The following ODAD2 variants were observed in gnomAD, a reference collection of about 807,000 sequenced individuals.
ODAD2 encodes outer dynein arm-docking complex subunit 2.
A neutral mutation model predicts 106.8 loss-of-function variants in ODAD2; 89 were observed. The ratio of observed to expected loss-of-function variants is 0.83; its 90% CI spans 0.70 to 0.99. The LOEUF (loss-of-function observed/expected upper bound fraction) is 0.99, where lower values mean the gene tolerates loss of function less well. ODAD2 is among the 50% of genes least tolerant of loss of function. ODAD2 has a pLI of 0.00. For missense variants in ODAD2, 1,168 were observed against 1,238.5 expected (o/e 0.94, Z 0.85); for synonymous variants, 404 against 436.2 (o/e 0.93, Z 0.92).
intron 9 of ODAD2, among the ~76,000 whole-genome samples, chr10:27,965,053 T>C (rs1564556479): frequency 6.6e-6 from 1 of 151,750 alleles, no homozygotes; most frequent in African/African-American, 2.4e-5. Context: ...AACCAGGGAG[T>C]GTGTAGGCCA....
At chr10:27,941,148 T>C (rs571222736) in intron 12 of ODAD2, among the ~76,000 whole-genome samples, 14 of 152,108 alleles carry the variant, frequency 9.2e-5, no homozygotes, top group African/African-American at 3.1e-4. Flanking sequence ...CTAAAACCAT[T>C]AGCACTTTCT....
chr10:27,907,780 A>G lies in ODAD2; in HGVS notation c.2496-3T>C, dbSNP rs1843705235. On this transcript the variant is annotated splice_polypyrimidine_tract_variant and splice_region_variant and intron_variant, in intron 16 of 19. Coordinates refer to ENST00000305242, the MANE Select transcript of ODAD2 (RefSeq NM_018076.5). ...CTCCATCTAAGCGATCAATTATCCT[A>G]TCGTGGAACCCAAAATCATGATATA... The G allele has an allele frequency of 1.2e-6, 2 of 1,600,056 alleles. No individual in the cohort carries two copies. Among genetic ancestry groups the G allele is most frequent in the African/African-American group, 1.3e-5 (1 of 74,772 alleles).
chr10:27,872,673 T>A (rs1207259776), intron 17 of ODAD2, among the ~76,000 whole-genome samples: 1 of 152,232 alleles, frequency 6.6e-6, no homozygotes, highest in African/African-American at 2.4e-5. Flanking sequence ...GATTTGCATA[T>A]GTTGAATCAG....
chr10:27,885,770 T>A (rs1168245493), intron 17 of ODAD2, among the ~76,000 whole-genome samples: 1 of 54,168 alleles, frequency 1.8e-5, no homozygotes, highest in African/African-American at 7.5e-5. Context: ...TTATATATAT[T>A]ATATAAAATA....
At chr10:27,855,087 T>G (rs1839566756) in intron 19 of ODAD2, among the ~76,000 whole-genome samples, 1 of 152,150 alleles carries the variant, frequency 6.6e-6, no homozygotes, top group African/African-American at 2.4e-5. Flanking sequence ...TGGTAATAGT[T>G]TCATGTGTAT....
chr10:27,872,984 C>G (rs899250976), intron 17 of ODAD2, among the ~76,000 whole-genome samples: 1 of 152,118 alleles, frequency 6.6e-6, no homozygotes, highest in Non-Finnish European at 1.5e-5. Context: ...TCCCTCTGAT[C>G]CTGGACTTAT....
chr10:27,938,248 T>C (rs975456422), intron 14 of ODAD2, among the ~76,000 whole-genome samples: 4 of 152,266 alleles, frequency 2.6e-5, no homozygotes, highest in African/African-American at 9.6e-5. Flanking sequence ...AGAATGTGAC[T>C]GTATTTGGAG....
intron 19 of ODAD2, among the ~76,000 whole-genome samples, chr10:27,836,549 G>A (rs1837905219): frequency 6.6e-6 from 1 of 152,224 alleles, no homozygotes; most frequent in Admixed American, 6.5e-5. Flanking sequence ...TTGCAAACAA[G>A]TCACTGCTAT....
intron 17 of ODAD2, among the ~76,000 whole-genome samples, chr10:27,896,657 G>C (rs1842871749): frequency 6.6e-6 from 1 of 152,122 alleles, no homozygotes; most frequent in Non-Finnish European, 1.5e-5. Context: ...ACAGTACTCA[G>C]AGCAATGTGT....
At position 27,852,820 on chromosome 10, in the gene ODAD2, G is replaced by C. The variant is rs1202499200; in HGVS notation, c.3021+7805C>G. ...TGCTAAAAATACAAAAAGTAGTCAG[G>C]CATGGTGGCATGAGCCTGTAATCTC... On this transcript the variant is annotated intron_variant, in intron 19 of 19. Coordinates refer to ENST00000305242, the MANE Select transcript of ODAD2 (RefSeq NM_018076.5). Among the ~76,000 whole-genome samples, 3 of 152,002 alleles carry C rather than the reference G, an allele frequency of 2.0e-5. No individual in the cohort carries two copies. In the East Asian group the frequency reaches 5.8e-4, roughly 29 times the overall value.
intron 19 of ODAD2, among the ~76,000 whole-genome samples, chr10:27,814,884 C>T (rs1836011123): frequency 6.6e-6 from 1 of 152,226 alleles, no homozygotes; most frequent in South Asian, 2.1e-4. Context: ...AAGGCAAATC[C>T]ATCCTCTATC....
intron 17 of ODAD2, among the ~76,000 whole-genome samples, chr10:27,876,680 C>G (rs990561422): frequency 1.3e-5 from 2 of 152,126 alleles, no homozygotes; most frequent in African/African-American, 4.8e-5. Flanking sequence ...AGTCCTCCTA[C>G]TTATAGGCAG....
chr10:27,979,015 G>A (rs1483828170), intron 7 of ODAD2, among the ~76,000 whole-genome samples: 1 of 151,948 alleles, frequency 6.6e-6, no homozygotes, highest in African/African-American at 2.4e-5. Flanking sequence ...TTCGAGACCA[G>A]CCTAGTCAAC....
At chr10:27,889,490 T>A (rs2368269) in intron 17 of ODAD2, among the ~76,000 whole-genome samples, 1 of 151,924 alleles carries the variant, frequency 6.6e-6, no homozygotes, top group East Asian at 1.9e-4. Flanking sequence ...GAAAGCTGGG[T>A]GGCCAGGCTG....
At chr10:27,934,427 T>C (rs555835563) in intron 16 of ODAD2, among the ~76,000 whole-genome samples, 85 of 149,558 alleles carry the variant, frequency 5.7e-4, no homozygotes, top group Non-Finnish European at 1.1e-3. Flanking sequence ...ATATGTATCT[T>C]TTAATATATG....
intron 16 of ODAD2, among the ~76,000 whole-genome samples, chr10:27,910,767 A>AAAACAAAC (rs369923176): frequency 6.6e-6 from 1 of 152,080 alleles, no homozygotes; most frequent in Admixed American, 6.6e-5. Context: ...AAAAAAACAA[A>AAAACAAAC]AAACAAACAA....
chr10:27,936,616 A>T, intron 15 of ODAD2, 110 bp downstream of exon 15: 1 of 1,211,300 alleles, frequency 8.3e-7, no homozygotes, highest in Non-Finnish European at 1.2e-6. Context: ...TCCAGAATGT[A>T]CATCTACAAC....
chr10:27,856,586 T>TCTCTCCA lies in ODAD2; in HGVS notation c.3021+4032_3021+4038dup, dbSNP rs992587042. On this transcript the variant is annotated intron_variant, in intron 19 of 19. Transcript: ENST00000305242. ...TAATACCCCCTGCTGAATTTCTGAA[T>TCTCTCCA]CTCTCCACTCTCCACTCTCCACTCT... Among the ~76,000 whole-genome samples the TCTCTCCA allele has an allele frequency of 3.9e-5, 6 of 152,078 alleles. 1 individual carries two copies. The highest frequency in any genetic ancestry group is 7.4e-5 in the Non-Finnish European group (5 of 68,018).
chr10:27,852,672 T>C (rs906160628), intron 19 of ODAD2, among the ~76,000 whole-genome samples: 2 of 152,148 alleles, frequency 1.3e-5, no homozygotes, highest in African/African-American at 2.4e-5. Context: ...CATTTAAAGC[T>C]AACCGTGGCC....
Sources: gnomAD v4.1 joint callset for allele counts (sites outside exome capture counted in the v4.1 genomes callset) on GRCh38, gnomAD v4.1.1 for gene constraint, MANE v1.5 for transcripts, NCBI Gene and HGNC (gene_info 2026-07-23, HGNC 2026-07-21) for gene names.